DAB2IP: variants seen among roughly 807,000 people sequenced by gnomAD.
DAB2IP encodes the protein DAB2 interacting protein, also known as disabled homolog 2-interacting protein.
In DAB2IP, 28 loss-of-function variants were observed where a neutral mutation model predicts 107.2. The ratio of observed to expected loss-of-function variants is 0.26; its 90% CI spans 0.19 to 0.36. The LOEUF is 0.36. Ranked by LOEUF, DAB2IP falls within the 10% of genes least tolerant of loss-of-function variation. DAB2IP has a pLI of 1.00. For synonymous variants in DAB2IP, 755 were observed against 706.4 expected (o/e 1.07, Z -1.09); for missense variants, 1,400 against 1,644.7 (o/e 0.85, Z 2.57).
chr9:121,625,562 A>G (rs1217588955), intron 1 of DAB2IP, among the ~76,000 whole-genome samples: 1 of 152,042 alleles, frequency 6.6e-6, no homozygotes, highest in Non-Finnish European at 1.5e-5. Context: ...ACGCCTGGCC[A>G]ATGGCTGGGC....
intron 1 of DAB2IP, among the ~76,000 whole-genome samples, chr9:121,578,623 C>T (rs1026311579): frequency 3.4e-5 from 5 of 147,822 alleles, no homozygotes; most frequent in African/African-American, 1.3e-4. Flanking sequence ...GTATGAGGAC[C>T]CCCCCATCGA....
chr9:121,722,044 G>A (rs773922478), intron 3 of DAB2IP, among the ~76,000 whole-genome samples: 4 of 152,214 alleles, frequency 2.6e-5, no homozygotes, highest in Admixed American at 6.5e-5. Flanking sequence ...ACCCAACACC[G>A]TCACATAAAT....
intron 1 of DAB2IP, among the ~76,000 whole-genome samples, chr9:121,617,963 T>G (rs1831337244): frequency 6.6e-6 from 1 of 152,226 alleles, no homozygotes; most frequent in Non-Finnish European, 1.5e-5. Context: ...AATCACCTGC[T>G]AGACTGAGAA....
intron 13 of DAB2IP, among the ~76,000 whole-genome samples, chr9:121,775,600 C>T (rs544116550): frequency 6.6e-6 from 1 of 152,226 alleles, no homozygotes; most frequent in Non-Finnish European, 1.5e-5. Flanking sequence ...GTCCACATCC[C>T]TGCTCCTCCC....
chr9:121,685,807 C>A (rs1207846104), intron 2 of DAB2IP, among the ~76,000 whole-genome samples: 1 of 152,176 alleles, frequency 6.6e-6, no homozygotes, highest in Non-Finnish European at 1.5e-5. Flanking sequence ...AATTTCCAGG[C>A]AGGTGAAGGG....
At chr9:121,781,594 C>T in intron 15 of DAB2IP, 43 bp downstream of exon 15, 3 of 1,593,276 alleles carry the variant, frequency 1.9e-6, no homozygotes, top group Non-Finnish European at 2.6e-6. Context: ...AGTTAAAGGG[C>T]CTGGGATTAG....
At chr9:121,780,351 G>C (rs572735684) in intron 14 of DAB2IP, among the ~76,000 whole-genome samples, 1 of 152,016 alleles carries the variant, frequency 6.6e-6, no homozygotes, top group Non-Finnish European at 1.5e-5. Context: ...CGCCACCACC[G>C]CTCCTCCCAG....
intron 1 of DAB2IP, among the ~76,000 whole-genome samples, chr9:121,597,245 T>G (rs548005449): frequency 1.4e-4 from 22 of 152,368 alleles, no homozygotes; most frequent in South Asian, 2.1e-4. Flanking sequence ...TGAGTTTTTT[T>G]TGTGTGTGTA....
chr9:121,702,189 G>C lies in DAB2IP; in HGVS notation c.362+2731G>C, dbSNP rs899378858. On this transcript the variant is annotated intron_variant, in intron 3 of 15. Transcript: ENST00000408936. The surrounding 1 kb of genome is among the most constrained non-coding windows in gnomAD (Gnocchi z 4.5). Reference sequence around the variant, plus strand: ...CTGTCTGCGTGCTCCGCAAGCTGCTGTGTTGGGGAGGTGGTTTTTTTGCGC... The same window carrying C: ...CTGTCTGCGTGCTCCGCAAGCTGCTCTGTTGGGGAGGTGGTTTTTTTGCGC... Among the ~76,000 whole-genome samples the C allele has an allele frequency of 1.3e-5, 2 of 152,236 alleles. No homozygotes were observed. Among genetic ancestry groups the C allele is most frequent in the Non-Finnish European group, 2.9e-5 (2 of 68,036 alleles).
intron 5 of DAB2IP, among the ~76,000 whole-genome samples, chr9:121,759,464 C>T (rs1470418877): frequency 1.3e-5 from 2 of 152,202 alleles, no homozygotes; most frequent in Non-Finnish European, 2.9e-5. Flanking sequence ...TCTCCCTAGC[C>T]GACTTGAGGG....
chr9:121,738,621 A>G (rs1361076830), intron 3 of DAB2IP, among the ~76,000 whole-genome samples: 1 of 152,172 alleles, frequency 6.6e-6, no homozygotes. Context: ...AAACTGCCAC[A>G]TGTGCCTCTG....
At chr9:121,631,813 TAAA>T (rs752400251) in intron 1 of DAB2IP, among the ~76,000 whole-genome samples, 2 of 58,896 alleles carry the variant, frequency 3.4e-5, no homozygotes, top group African/African-American at 1.4e-4. Context: ...AGACTCCGTC[TAAA>T]AAAAAAAAAA....
Position 121,574,416 on chromosome 9 carries a change from G to T in DAB2IP, c.40+7188G>T, listed in dbSNP as rs142238032. Among the ~76,000 whole-genome samples, 404 of 152,234 alleles carry T rather than the reference G, an allele frequency of 2.7e-3. 5 individuals are homozygous for T. Among genetic ancestry groups the T allele is most frequent in the African/African-American group, 9.5e-3 (394 of 41,496 alleles). On this transcript the variant is annotated intron_variant, in intron 1 of 16. Transcript: ENST00000259371. ...CATCTTGTTCGAGGGCTCTGTCCTA[G>T]ACCAGGCTGCCTGGGCCTCAGAAAA...
At chr9:121,783,700 C>T (rs1835817693) in exon 16 of DAB2IP, 1 of 1,024,186 alleles carries the variant, frequency 9.8e-7, no homozygotes, top group Non-Finnish European at 1.5e-6. Flanking sequence ...TGGCCGGCCT[C>T]CTCCTCACCC....
At chr9:121,754,318 G>T (rs1331381959) in intron 3 of DAB2IP, among the ~76,000 whole-genome samples, 2 of 152,206 alleles carry the variant, frequency 1.3e-5, no homozygotes, top group Admixed American at 6.5e-5. Flanking sequence ...AAACGCATAG[G>T]AACGTGAGTG....
In DAB2IP at chr9:121,702,333, A is replaced by G. The variant is rs1829831176; in HGVS notation, c.362+2875A>G. On this transcript the variant is annotated intron_variant, in intron 3 of 15. Coordinates refer to ENST00000408936, the Ensembl canonical transcript of DAB2IP. This position sits in a 1 kb window ranked among gnomAD's most constrained non-coding sequence, Gnocchi z 4.5. Reference sequence around the variant, plus strand: ...TGCCGAACCTGGCTGGTTGGGATTGAGGGTTGCTATCTGGTTGTGAGGCTG... The same window carrying G: ...TGCCGAACCTGGCTGGTTGGGATTGGGGGTTGCTATCTGGTTGTGAGGCTG... 6.6e-6 allele frequency among the ~76,000 whole-genome samples: 1 copy of G among 151,448 alleles called. No homozygotes were observed.
rs137949148 is a variant in DAB2IP at position 121,772,930 on chromosome 9, G to A, written c.2402G>A (p.Arg801Gln). The stretch of plus-strand genomic sequence containing the variant: ...AACCTGGCAGGGCTGGCCACGGTGC[G>A]GCGGGCAGGCCAGACACCAACCACA... The change falls in exon 12 of 16, where the codon CGG (arginine) becomes CAG (glutamine). Residue 801 changes from arginine to glutamine, a missense_variant. By Grantham distance (43) the Arg-to-Gln change is conservative. This residue lies in a region of DAB2IP where 600 missense variants were observed against 659.1 expected (regional missense o/e 0.91). Transcript: ENST00000408936. The surrounding 1 kb of genome is among the most constrained non-coding windows in gnomAD (Gnocchi z 4.7). 2.3e-5 allele frequency: 36 copies of A among 1,558,756 alleles called. No individual in the cohort carries two copies. Among genetic ancestry groups the A allele is most frequent in the African/African-American group, 1.4e-4 (10 of 73,854 alleles).
intron 1 of DAB2IP, among the ~76,000 whole-genome samples, chr9:121,631,209 C>A (rs1831866775): frequency 6.6e-6 from 1 of 152,160 alleles, no homozygotes; most frequent in East Asian, 1.9e-4. Flanking sequence ...CGGGAGGGGG[C>A]AAGGCACACA....
intron 1 of DAB2IP, among the ~76,000 whole-genome samples, chr9:121,584,410 C>CA (rs911897851): frequency 0.01 from 1,409 of 136,660 alleles, 26 homozygotes; most frequent in African/African-American, 0.032. Flanking sequence ...CCTGTCTCTA[C>CA]AAAAAAAAAA....
Sources: allele counts gnomAD v4.1 joint callset (sites outside exome capture counted in the v4.1 genomes callset), GRCh38; gene constraint gnomAD v4.1.1; regional missense constraint gnomAD v4.1.1; non-coding constraint Gnocchi (gnomAD v3.1); transcripts MANE v1.5; gene names NCBI Gene and HGNC (gene_info 2026-07-23, HGNC 2026-07-21).